SLC9D1: variants seen among roughly 807,000 people sequenced by gnomAD.
SLC9D1 encodes the protein solute carrier family 9 member D1.
At chr13:113,534,442 A>G in the SLC9D1 span, 1 of 590,408 alleles carries the variant, frequency 1.7e-6, no homozygotes, top group South Asian at 2.3e-5. Context: ...AACTGGTTTG[A>G]CTCATACTCT....
chr13:113,532,669 T>A, the SLC9D1 span, among the ~76,000 whole-genome samples: 41 of 152,020 alleles, frequency 2.7e-4, 1 homozygote, highest in East Asian at 7.6e-3. Flanking sequence ...GCAGGCCTGG[T>A]CTGCTTGGCC....
At chr13:113,527,221 G>A in the SLC9D1 span, 4 of 152,198 alleles carry the variant, frequency 2.6e-5, no homozygotes, top group African/African-American at 9.7e-5. Context: ...AAACTCAGGA[G>A]GAAAAGGATA....
the SLC9D1 span, chr13:113,527,979 G>A: frequency 3.9e-5 from 6 of 152,092 alleles, no homozygotes; most frequent in African/African-American, 1.4e-4. Context: ...TATTTTTTTA[G>A]TTGTATAATT....
chr13:113,547,465 A>T, the SLC9D1 span: 1 of 1,132,720 alleles, frequency 8.8e-7, no homozygotes, highest in Non-Finnish European at 1.3e-6. Flanking sequence ...TGGGGCCCAC[A>T]TCGGGCCTGC....
the SLC9D1 span, chr13:113,510,434 G>A: frequency 3.3e-5 from 53 of 1,607,466 alleles, no homozygotes; most frequent in Non-Finnish European, 4.3e-5. Context: ...GGTAGGTGAC[G>A]GCATGTTCTG....
the SLC9D1 span, chr13:113,503,688 TG>T: frequency 2.8e-6 from 2 of 706,770 alleles, no homozygotes; most frequent in African/African-American, 3.6e-5. Context: ...CACTATCAAA[TG>T]TTTTTAGAAT....
the SLC9D1 span, among the ~76,000 whole-genome samples, chr13:113,523,247 T>TA: frequency 5.9e-5 from 9 of 152,196 alleles, no homozygotes; most frequent in African/African-American, 2.2e-4. Context: ...AGTTCTTCCT[T>TA]AATATTTGGT....
At chr13:113,536,623 GCT>G in the SLC9D1 span, 1 of 980,176 alleles carries the variant, frequency 1.0e-6, no homozygotes, top group Non-Finnish European at 1.2e-6. Flanking sequence ...ACTCTGCCCG[GCT>G]CTCAGGTTTT....
At chr13:113,520,187 T>C in the SLC9D1 span, among the ~76,000 whole-genome samples, 2 of 152,150 alleles carry the variant, frequency 1.3e-5, no homozygotes, top group East Asian at 3.8e-4. Flanking sequence ...AGTCTATTCT[T>C]AAAAATGTAA....
chr13:113,511,473 T>C, the SLC9D1 span, among the ~76,000 whole-genome samples: 1 of 152,084 alleles, frequency 6.6e-6, no homozygotes, highest in African/African-American at 2.4e-5. Context: ...TGACAGGCAG[T>C]TGGGAAGCAT....
chr13:113,534,797 A>ACTGTGATGAT, the SLC9D1 span: 1 of 149,312 alleles, frequency 6.7e-6, no homozygotes, highest in African/African-American at 2.4e-5. Context: ...ATCAAAAAAA[A>ACTGTGATGAT]ACGGCCGGGT....
At chr13:113,498,410 A>G in the SLC9D1 span, 5 of 1,583,192 alleles carry the variant, frequency 3.2e-6, no homozygotes, top group South Asian at 5.9e-5. Context: ...AAAATATGCA[A>G]CATCAAAACC....
At chr13:113,526,028 G>A in the SLC9D1 span, among the ~76,000 whole-genome samples, 6 of 150,808 alleles carry the variant, frequency 4.0e-5, no homozygotes, top group South Asian at 8.4e-4. Context: ...CGTAGGAGAC[G>A]ACAGCTATGT....
At chr13:113,508,003 A>G in the SLC9D1 span, among the ~76,000 whole-genome samples, 1 of 152,198 alleles carries the variant, frequency 6.6e-6, no homozygotes, top group African/African-American at 2.4e-5. Flanking sequence ...GCACCTGCAG[A>G]TGGGGTTTCT....
chr13:113,498,618 G>A, the SLC9D1 span: 1 of 975,508 alleles, frequency 1.0e-6, no homozygotes, highest in Non-Finnish European at 1.5e-6. Context: ...TTTTAATGTA[G>A]ATTGAAAATG....
At chr13:113,546,221 C>T in the SLC9D1 span, among the ~76,000 whole-genome samples, 1 of 152,062 alleles carries the variant, frequency 6.6e-6, no homozygotes. This position sits in a 1 kb window ranked among gnomAD's most constrained non-coding sequence, Gnocchi z 7.1. Context: ...GGCATTGCAG[C>T]AGGGCAGAGG....
chr13:113,547,477 G>T, the SLC9D1 span: 1 of 966,552 alleles, frequency 1.0e-6, no homozygotes. Context: ...CGGGCCTGCA[G>T]AGCCGGCCCT....
the SLC9D1 span, among the ~76,000 whole-genome samples, chr13:113,516,498 G>A: frequency 1.6e-4 from 24 of 151,422 alleles, no homozygotes; most frequent in African/African-American, 5.3e-4. Context: ...CCCTGGAGGC[G>A]GAGCTTCCAG....
chr13:113,521,183 C>A, the SLC9D1 span, among the ~76,000 whole-genome samples: 2 of 149,988 alleles, frequency 1.3e-5, no homozygotes, highest in Non-Finnish European at 3.0e-5. Flanking sequence ...TATGTATTCA[C>A]GTGTATCTGC....
Sources: allele counts gnomAD v4.1 joint callset (sites outside exome capture counted in the v4.1 genomes callset), GRCh38; gene constraint gnomAD v4.1.1; non-coding constraint Gnocchi (gnomAD v3.1); transcripts MANE v1.5; gene names NCBI Gene and HGNC (gene_info 2026-07-23, HGNC 2026-07-21).